Variants in CACNB4 observed in about 807,000 individuals in gnomAD.
The protein encoded by CACNB4 is voltage-dependent L-type calcium channel subunit beta-4.
In CACNB4, 32 loss-of-function variants were observed where a neutral mutation model predicts 71.2. The observed-to-expected ratio is 0.45, with a 90% CI of 0.34 to 0.60. CACNB4 has a LOEUF of 0.60. Ranked by LOEUF, CACNB4 falls within the 20% of genes least tolerant of loss-of-function variation. The probability of loss-of-function intolerance (pLI) is 0.01; values close to 1 mark genes in which losing one functional copy is unlikely to be tolerated. For synonymous variants in CACNB4, 231 were observed against 236.9 expected (o/e 0.97, Z 0.23); for missense variants, 464 against 647.9 (o/e 0.72, Z 3.08).
intron 2 of CACNB4, among the ~76,000 whole-genome samples, chr2:151,945,643 C>T (rs1335464599): frequency 6.6e-6 from 1 of 151,906 alleles, no homozygotes; most frequent in African/African-American, 2.4e-5. Flanking sequence ...AGAGTGAAAC[C>T]CTGTTTCAAA....
chr2:151,921,633 C>T (rs1413823761), intron 2 of CACNB4, among the ~76,000 whole-genome samples: 3 of 152,122 alleles, frequency 2.0e-5, no homozygotes, highest in Admixed American at 2.0e-4. Context: ...GGCTCATAGG[C>T]CCCTTCCTCC....
At chr2:151,950,998 G>A (rs1347096004) in intron 2 of CACNB4, among the ~76,000 whole-genome samples, 1 of 152,186 alleles carries the variant, frequency 6.6e-6, no homozygotes, top group Non-Finnish European at 1.5e-5. Context: ...AGGCTGGAGT[G>A]CAGTGGCACA....
At chr2:152,029,508 A>AAAG (rs1553815873) in intron 2 of CACNB4, among the ~76,000 whole-genome samples, 8 of 19,152 alleles carry the variant, frequency 4.2e-4, no homozygotes, top group East Asian at 4.4e-3. Context: ...AAAAAAAAAA[A>AAAG]AAAGAAAAGA....
At chr2:151,906,482 TACTC>T (rs2099854848) in intron 2 of CACNB4, among the ~76,000 whole-genome samples, 1 of 152,210 alleles carries the variant, frequency 6.6e-6, no homozygotes, top group African/African-American at 2.4e-5. Flanking sequence ...TAAGAGCAGT[TACTC>T]TATCTATGAA....
chr2:152,090,550 G>A (rs1390162302), intron 2 of CACNB4, among the ~76,000 whole-genome samples: 7 of 152,026 alleles, frequency 4.6e-5, no homozygotes, highest in East Asian at 1.9e-4. Flanking sequence ...GGCTGAGGCA[G>A]GAGAATTGCT....
intron 2 of CACNB4, among the ~76,000 whole-genome samples, chr2:152,092,846 T>TAA (rs1192745053): frequency 6.6e-6 from 1 of 151,504 alleles, no homozygotes; most frequent in East Asian, 1.9e-4. Flanking sequence ...TATATATATA[T>TAA]AATGTTTTTT....
At chr2:152,029,493 CAAAAA>C (rs4036226) in intron 2 of CACNB4, among the ~76,000 whole-genome samples, 10 of 108,824 alleles carry the variant, frequency 9.2e-5, no homozygotes, top group Non-Finnish European at 1.1e-4. Context: ...GACTCGATCT[CAAAAA>C]AAAAAAAAAA....
intron 2 of CACNB4, among the ~76,000 whole-genome samples, chr2:151,948,948 A>G (rs2099866240): frequency 6.6e-6 from 1 of 152,092 alleles, no homozygotes; most frequent in South Asian, 2.1e-4. Flanking sequence ...GTTTAAAGGT[A>G]GATGTCATTG....
intron 4 of CACNB4, chr2:151,880,004 A>C (rs1009264575): frequency 3.3e-5 from 5 of 152,238 alleles, no homozygotes; most frequent in South Asian, 2.1e-4. Context: ...AGACATAATC[A>C]ACTTAACCAT....
intron 2 of CACNB4, among the ~76,000 whole-genome samples, chr2:152,021,070 G>A (rs779499043): frequency 6.6e-6 from 1 of 152,062 alleles, no homozygotes; most frequent in Non-Finnish European, 1.5e-5. Flanking sequence ...GGCCAACGTG[G>A]TGAAACCCCG....
chr2:152,064,599 T>G (rs1164842106), intron 2 of CACNB4, among the ~76,000 whole-genome samples: 1 of 152,114 alleles, frequency 6.6e-6, no homozygotes, highest in Non-Finnish European at 1.5e-5. Flanking sequence ...GCCAGGCTAG[T>G]CTCAAACTCC....
intron 2 of CACNB4, among the ~76,000 whole-genome samples, chr2:152,018,191 C>T (rs1238846239): frequency 6.6e-6 from 1 of 151,700 alleles, no homozygotes; most frequent in African/African-American, 2.4e-5. Flanking sequence ...AGATTAGAAG[C>T]GAAAATAAAC....
chr2:152,008,032 A>C (rs1682829438), intron 2 of CACNB4, among the ~76,000 whole-genome samples: 1 of 151,990 alleles, frequency 6.6e-6, no homozygotes, highest in African/African-American at 2.4e-5. Context: ...TCAGCCTCCC[A>C]AAGTGCTGGG....
At chr2:151,855,644 G>A (rs965212967) in intron 10 of CACNB4, among the ~76,000 whole-genome samples, 7 of 152,140 alleles carry the variant, frequency 4.6e-5, no homozygotes, top group African/African-American at 1.7e-4. Flanking sequence ...ATATAACTAC[G>A]ATGATTATTT....
At chr2:151,885,769 G>C (rs1214926470) in intron 2 of CACNB4, among the ~76,000 whole-genome samples, 4 of 152,134 alleles carry the variant, frequency 2.6e-5, no homozygotes, top group Non-Finnish European at 5.9e-5. Context: ...AAATTCTTCT[G>C]TGCAAATCTA....
rs1476719679 is a variant in CACNB4 at position 151,959,892 on chromosome 2, CACAG to C, written c.148-76526_148-76523del. Among the ~76,000 whole-genome samples the C allele has an allele frequency of 5.9e-5, 9 of 152,256 alleles. No individual in the cohort carries two copies. The East Asian group carries it at 1.5e-3, about 26-fold the overall frequency. ...ATTGTAGCTCTGATTCAAGGAGTTT[CACAG>C]ACACACATAGTTATTCAAAATATTA... is the stretch of plus-strand genomic sequence containing the variant. On this transcript the variant is annotated intron_variant, in intron 2 of 13. Coordinates refer to ENST00000539935, the MANE Select transcript of CACNB4 (RefSeq NM_000726.5).
chr2:152,087,851 C>T (rs560194084), intron 2 of CACNB4, among the ~76,000 whole-genome samples: 118 of 152,162 alleles, frequency 7.8e-4, no homozygotes, highest in African/African-American at 2.7e-3. Context: ...TGCCACTGCA[C>T]TCCAGCCTGG....
intron 2 of CACNB4, among the ~76,000 whole-genome samples, chr2:151,999,157 G>A (rs770493184): frequency 3.9e-5 from 6 of 152,030 alleles, no homozygotes; most frequent in Admixed American, 1.3e-4. Context: ...TCACTCCATG[G>A]CCTACTCATG....
intron 2 of CACNB4, among the ~76,000 whole-genome samples, chr2:151,893,252 T>A (rs2099851179): frequency 6.6e-6 from 1 of 151,904 alleles, no homozygotes; most frequent in African/African-American, 2.4e-5. Context: ...TTTTATATCT[T>A]TTTTTTTGAG....
Sources: gnomAD v4.1 joint callset for allele counts (sites outside exome capture counted in the v4.1 genomes callset) on GRCh38, gnomAD v4.1.1 for gene constraint, MANE v1.5 for transcripts, NCBI Gene and HGNC (gene_info 2026-07-23, HGNC 2026-07-21) for gene names.